The following SPG11 variants were observed in gnomAD, a reference collection of about 807,000 sequenced individuals.
SPG11 encodes SPG11 vesicle trafficking associated, spatacsin, also known as spatacsin.
Under a neutral mutation model 274.0 loss-of-function variants are expected in SPG11, and 222 were observed. That is an observed-to-expected ratio of 0.81 (90% CI 0.73 to 0.91). SPG11 has a LOEUF of 0.91. Ranked by LOEUF, SPG11 falls within the 40% of genes least tolerant of loss-of-function variation. The pLI, the probability that SPG11 is intolerant of heterozygous loss-of-function variation, is 0.00. For missense variants in SPG11, 3,114 were observed against 2,872.7 expected (o/e 1.08, Z -1.92); for synonymous variants, 1,144 against 1,039.7 (o/e 1.10, Z -1.93).
Position 44,628,837 on chromosome 15 carries a change from A to G in SPG11, c.1899T>C (p.Asp633=). ...KELFIHTEEL[D]EHLQKGVNIL... ...TGTTCACTCCTTTTTGCAGATGTTC[A>G]TCTAGTTCTATGGAAAATACCAATG... Residue 633 remains aspartate (D), a synonymous_variant, in exon 10 of 40, where the codon GAT becomes GAC. Transcript: ENST00000261866. 6.2e-7 allele frequency: 1 copy of G among 1,612,962 alleles called. No individual in the cohort carries two copies. Among genetic ancestry groups the G allele is most frequent in the Non-Finnish European group, 8.5e-7 (1 of 1,179,870 alleles).
rs759378435 is a variant in SPG11, at chr15:44,570,527, C to T, written c.6475G>A (p.Val2159Met). ...HLAPSEEYGL[V>M]VRLLTGIGRY... ...CTGGGGTTGAGGGGGCTACTTACCA[C>T]CAGCCCATACTCCTCACTGGGGGCC... Residue 2159 changes from valine to methionine, a missense_variant and splice_region_variant, in exon 34 of 40, where the codon GTG becomes ATG. Val to Met is a conservative substitution (Grantham distance 21). Coordinates refer to ENST00000261866, the MANE Select transcript of SPG11 (RefSeq NM_025137.4). The T allele has an allele frequency of 3.7e-6, 6 of 1,614,144 alleles. No individual in the cohort carries two copies. The South Asian group carries it at 5.5e-5, about 15-fold the overall frequency.
intron 30 of SPG11, among the ~76,000 whole-genome samples, chr15:44,580,033 A>C (rs1331548532): frequency 6.6e-6 from 1 of 152,234 alleles, no homozygotes; most frequent in Non-Finnish European, 1.5e-5. Flanking sequence ...CTAGTCCTGC[A>C]AGCTCCATTA....
chr15:44,643,197 C>T (rs2084505298), intron 7 of SPG11, among the ~76,000 whole-genome samples: 2 of 152,218 alleles, frequency 1.3e-5, no homozygotes, highest in South Asian at 4.2e-4. Flanking sequence ...CCACCTATGC[C>T]CATGTATAGC....
chr15:44,651,126 T>G lies in SPG11; in HGVS notation c.1456+365A>C, dbSNP rs551088953. ...TCATTCTGAATGTTTATAATCTTTTTTAAAAGCCTAGACAGTGCAAGCCAA... is the reference window on the plus strand; with the variant it reads ...TCATTCTGAATGTTTATAATCTTTTGTAAAAGCCTAGACAGTGCAAGCCAA... On this transcript the variant is annotated intron_variant, in intron 6 of 39. Coordinates refer to ENST00000261866, the MANE Select transcript of SPG11 (RefSeq NM_025137.4). Among the ~76,000 whole-genome samples the G allele has an allele frequency of 2.6e-5, 4 of 152,274 alleles. No individual in the cohort carries two copies. The South Asian group carries it at 8.3e-4, about 32-fold the overall frequency.
At chr15:44,579,952 TAA>T (rs2082626189) in intron 30 of SPG11, among the ~76,000 whole-genome samples, 1 of 152,234 alleles carries the variant, frequency 6.6e-6, no homozygotes, top group Admixed American at 6.5e-5. Context: ...ACAGCATTTA[TAA>T]AGTCTACAGT....
chr15:44,582,795 CA>C (rs766209639), intron 30 of SPG11, among the ~76,000 whole-genome samples: 1 of 151,504 alleles, frequency 6.6e-6, no homozygotes, highest in Admixed American at 6.6e-5. Context: ...TTAACAGATA[CA>C]GCAATAACAT....
rs749867632 is a variant in SPG11 at position 44,628,752 on chromosome 15, T to C, written c.1984A>G (p.Thr662Ala). 6.2e-7 allele frequency: 1 copy of C among 1,613,728 alleles called. No homozygotes were observed. Among genetic ancestry groups the C allele is most frequent in the Non-Finnish European group, 8.5e-7 (1 of 1,179,806 alleles). ...TFMIKFPWKL[T>A]DAIDEYDVHE... ...ACATCATATTCATCTATAGCATCTG[T>C]TAGCTTCCAAGGAAACTTTATCATG... Residue 662 changes from threonine to alanine, a missense_variant, in exon 10 of 40, where the codon ACA becomes GCA. Thr to Ala is a moderately conservative substitution (Grantham distance 58). Coordinates refer to ENST00000261866, the MANE Select transcript of SPG11 (RefSeq NM_025137.4).
At chr15:44,622,053 A>G in intron 13 of SPG11, 119 bp from the exon 14 acceptor site, 1 of 1,168,592 alleles carries the variant, frequency 8.6e-7, no homozygotes. Context: ...TTATGCAAAT[A>G]TTAAAATGAC....
rs780567528 is a variant in SPG11 at position 44,564,713 on chromosome 15, T to C, written c.7000-15A>G. ...ACAATAGAAGCCTTAAAAGGAGAGGTGAAGAAGGACACCATCAGAGCCCAT... is the reference window on the plus strand; with the variant it reads ...ACAATAGAAGCCTTAAAAGGAGAGGCGAAGAAGGACACCATCAGAGCCCAT... On this transcript the variant is annotated splice_polypyrimidine_tract_variant and intron_variant, in intron 38 of 39. Transcript: ENST00000261866. The C allele has an allele frequency of 1.3e-5, 21 of 1,613,788 alleles. 1 individual carries two copies. In the Admixed American group the frequency reaches 2.0e-4, roughly 15 times the overall value.
chr15:44,568,396 C>T (rs1337510732), intron 35 of SPG11, among the ~76,000 whole-genome samples: 4 of 152,124 alleles, frequency 2.6e-5, no homozygotes, highest in African/African-American at 9.7e-5. Flanking sequence ...TGAAATTGGC[C>T]CAATATTAAA....
chr15:44,653,673 G>C (rs2084852040), intron 4 of SPG11, among the ~76,000 whole-genome samples: 2 of 152,136 alleles, frequency 1.3e-5, no homozygotes, highest in African/African-American at 4.8e-5. Context: ...TTAGGAGACA[G>C]AAAGGGTAGG....
chr15:44,611,796 A>G (rs1176514079), intron 17 of SPG11, among the ~76,000 whole-genome samples: 1 of 148,754 alleles, frequency 6.7e-6, no homozygotes, highest in Non-Finnish European at 1.5e-5. Context: ...TAAACATTTA[A>G]AATGGTCACT....
At chr15:44,621,166 C>G (rs2083737631) in intron 14 of SPG11, 1 of 153,132 alleles carries the variant, frequency 6.5e-6, no homozygotes, top group Non-Finnish European at 1.5e-5. Context: ...ATCAATGCTA[C>G]AGCCAAAGAA....
intron 17 of SPG11, among the ~76,000 whole-genome samples, chr15:44,613,183 G>A (rs1440920503): frequency 6.6e-6 from 1 of 152,184 alleles, no homozygotes; most frequent in Non-Finnish European, 1.5e-5. Flanking sequence ...TCTAGAGCAC[G>A]ATGCTAAGGG....
At chr15:44,591,193 T>G (rs1368122832) in intron 27 of SPG11, among the ~76,000 whole-genome samples, 1 of 152,194 alleles carries the variant, frequency 6.6e-6, no homozygotes, top group Non-Finnish European at 1.5e-5. Flanking sequence ...GCAAAGTTGT[T>G]TAAGGGAATT....
chr15:44,613,568 A>C, intron 16 of SPG11, 32 bp from the exon 17 acceptor site: 1 of 1,363,608 alleles, frequency 7.3e-7, no homozygotes, highest in Non-Finnish European at 1.0e-6. Flanking sequence ...ACCTTCTTTG[A>C]TTAACATACA....
rs1374893382 is a variant in SPG11 at position 44,596,076 on chromosome 15, T to TCA, written c.4434+6_4434+7insTG. The TCA allele has an allele frequency of 2.5e-6, 4 of 1,612,844 alleles. No individual in the cohort carries two copies. Among genetic ancestry groups the TCA allele is most frequent in the Non-Finnish European group, 3.4e-6 (4 of 1,180,018 alleles). On this transcript the variant is annotated splice_region_variant and intron_variant, in intron 25 of 39. Coordinates refer to ENST00000261866, the MANE Select transcript of SPG11 (RefSeq NM_025137.4). Reference sequence around the variant, plus strand: ...GGTACTTACTTCAGGCTTCTCATGATCCTCACCTGGAGACATGAGGCCAGA... The same window carrying TCA: ...GGTACTTACTTCAGGCTTCTCATGATCACCTCACCTGGAGACATGAGGCCAGA...
At chr15:44,600,397 G>C in intron 21 of SPG11, 70 bp downstream of exon 21, 1 of 1,548,712 alleles carries the variant, frequency 6.5e-7, no homozygotes, top group South Asian at 1.1e-5. Flanking sequence ...TGATCCTCCT[G>C]CTTCCCAAAG....
In SPG11 at chr15:44,585,940, C is replaced by A. The variant is rs1014556400; in HGVS notation, c.4907-90G>T. ...TAATACATATCAGGGGGAAAATATA[C>A]GTGTTTAACATAGTAATGTGGTTAA... On this transcript the variant is annotated intron_variant, in intron 28 of 39. Coordinates refer to ENST00000261866, the MANE Select transcript of SPG11 (RefSeq NM_025137.4). 11 of 1,053,818 alleles carry A rather than the reference C, an allele frequency of 1.0e-5. No homozygotes were observed. The Admixed American group carries it at 1.8e-4, about 17-fold the overall frequency. 65.3% of individuals were successfully genotyped at this position (1,053,818 alleles called of 1,614,324 possible). A position where few individuals can be genotyped will look rare whatever the true frequency, so the allele number is the denominator to read the frequency against.
Sources: gnomAD v4.1 joint callset for allele counts (sites outside exome capture counted in the v4.1 genomes callset) on GRCh38, gnomAD v4.1.1 for gene constraint, MANE v1.5 for transcripts, NCBI Gene and HGNC (gene_info 2026-07-23, HGNC 2026-07-21) for gene names.